The following PCDHA8 variants were observed in gnomAD, a reference collection of about 807,000 sequenced individuals.
The protein encoded by PCDHA8 is protocadherin alpha 8.
In PCDHA8, 53 loss-of-function variants were observed where a neutral mutation model predicts 61.8. The ratio of observed to expected loss-of-function variants is 0.86; its 90% CI spans 0.69 to 1.08. The LOEUF (loss-of-function observed/expected upper bound fraction) is 1.08, where lower values mean the gene tolerates loss of function less well. Among genes scored for constraint, PCDHA8 ranks in the 50% least tolerant of loss-of-function variants. PCDHA8 has a pLI of 0.00. For missense variants in PCDHA8, 1,293 were observed against 1,245.0 expected (o/e 1.04, Z -0.58); for synonymous variants, 618 against 556.6 (o/e 1.11, Z -1.55).
chr5:140,962,889 A>G (rs1554226313), intron 1 of PCDHA8, among the ~76,000 whole-genome samples: 2 of 152,220 alleles, frequency 1.3e-5, no homozygotes, highest in Admixed American at 6.5e-5. Flanking sequence ...GAATTAAAAA[A>G]TGAAAACTAG....
In PCDHA8 at chr5:140,855,864, G is replaced by T. The variant is rs2043653105; in HGVS notation, c.2394+12149G>T. On this transcript the variant is annotated intron_variant, in intron 1 of 3. Transcript: ENST00000531613. ...CCTAAAGCCACCGGATGTCGCTGTC[G>T]TCCACAAAATAGCTTTTTAGAACAA... 4 of 775,774 alleles carry T rather than the reference G, an allele frequency of 5.2e-6. No individual in the cohort carries two copies. The East Asian group carries it at 8.1e-5, about 16-fold the overall frequency. The allele number at this position is 775,774 out of a possible 1,614,324, so 48.1% of individuals were successfully genotyped here. A position where few individuals can be genotyped will look rare whatever the true frequency, so the allele number is the denominator to read the frequency against.
chr5:140,875,497 C>T, intron 1 of PCDHA8: 1 of 1,613,256 alleles, frequency 6.2e-7, no homozygotes, highest in Non-Finnish European at 8.5e-7. Flanking sequence ...ACCAAGAGGC[C>T]CGGGATCCCA....
At chr5:140,989,174 G>T (rs1305141291) in intron 3 of PCDHA8, among the ~76,000 whole-genome samples, 3 of 152,132 alleles carry the variant, frequency 2.0e-5, no homozygotes, top group Non-Finnish European at 4.4e-5. Flanking sequence ...TAAAACAGGA[G>T]AGTTTCTGAA....
intron 1 of PCDHA8, among the ~76,000 whole-genome samples, chr5:140,885,265 T>C (rs2060534945): frequency 6.6e-6 from 1 of 152,186 alleles, no homozygotes; most frequent in African/African-American, 2.4e-5. Flanking sequence ...TAATTACTCA[T>C]ACATATATAT....
intron 3 of PCDHA8, among the ~76,000 whole-genome samples, chr5:140,987,622 TAGATG>T (rs1554249376): frequency 2.6e-5 from 4 of 152,328 alleles, no homozygotes; most frequent in African/African-American, 9.6e-5. Flanking sequence ...TTGGAAGAAT[TAGATG>T]AGATAATGCA....
At chr5:140,871,097 T>A in intron 1 of PCDHA8, 1 of 1,613,266 alleles carries the variant, frequency 6.2e-7, no homozygotes, top group Admixed American at 1.7e-5. Flanking sequence ...GCCACCGTGC[T>A]GGTGTCGTTG....
chr5:140,848,742 A>T (rs2150419290), intron 1 of PCDHA8: 2 of 1,593,114 alleles, frequency 1.3e-6, no homozygotes, highest in South Asian at 2.2e-5. Context: ...GCAGAATGGC[A>T]TTTTGTTTGT....
intron 3 of PCDHA8, among the ~76,000 whole-genome samples, chr5:140,987,258 G>A (rs1292743876): frequency 6.6e-6 from 1 of 151,918 alleles, no homozygotes; most frequent in Non-Finnish European, 1.5e-5. Context: ...ACATTCTCAG[G>A]AATGGGACCC....
intron 1 of PCDHA8, 158 bp downstream of exon 1, chr5:140,843,873 T>C (rs1554140466): frequency 1.3e-6 from 1 of 797,276 alleles, no homozygotes; most frequent in Admixed American, 3.0e-5. Context: ...ATTTTCTCAG[T>C]GGCATAATAC....
At chr5:140,855,255 A>G (rs2043396159) in intron 1 of PCDHA8, among the ~76,000 whole-genome samples, 1 of 149,836 alleles carries the variant, frequency 6.7e-6, no homozygotes, top group Non-Finnish European at 1.5e-5. Context: ...AGCACTTACT[A>G]TATTATAATT....
At chr5:140,937,302 G>T (rs1554211521) in intron 1 of PCDHA8, among the ~76,000 whole-genome samples, 4 of 152,094 alleles carry the variant, frequency 2.6e-5, no homozygotes, top group African/African-American at 9.7e-5. Flanking sequence ...CTCCCAAAGT[G>T]CTGGGATTAC....
At chr5:140,968,044 A>G (rs959631573) in intron 1 of PCDHA8, 2 of 1,614,024 alleles carry the variant, frequency 1.2e-6, no homozygotes, top group Non-Finnish European at 1.7e-6. Context: ...TGAGCGGCCC[A>G]CTGGACCGAG....
intron 1 of PCDHA8, chr5:140,848,602 C>A (rs140949600): frequency 8.2e-6 from 13 of 1,593,476 alleles, no homozygotes; most frequent in Non-Finnish European, 1.1e-5. Flanking sequence ...TACTCCGTCC[C>A]GGAGGAAGCC....
chr5:140,875,738 G>T lies in PCDHA8; in HGVS notation c.2394+32023G>T, dbSNP rs1197047985. 12 of 1,614,086 alleles carry T rather than the reference G, an allele frequency of 7.4e-6. No homozygotes were observed. The highest frequency in any genetic ancestry group is 3.3e-5 in the Admixed American group (2 of 60,008). ...AATGGCATTTTGTTTGTGAATTCTC[G>T]GATCGACCGCGAGAAGCTGTGCGGG... On this transcript the variant is annotated intron_variant, in intron 1 of 3. Coordinates refer to ENST00000531613, the MANE Select transcript of PCDHA8 (RefSeq NM_018911.3).
chr5:140,960,612 G>C (rs1467595478), intron 1 of PCDHA8, among the ~76,000 whole-genome samples: 1 of 152,110 alleles, frequency 6.6e-6, no homozygotes, highest in Non-Finnish European at 1.5e-5. Context: ...ACAATATCTA[G>C]TGTGTTTTTG....
chr5:140,977,266 A>G (rs2096753154), intron 1 of PCDHA8, among the ~76,000 whole-genome samples: 3 of 152,240 alleles, frequency 2.0e-5, no homozygotes, highest in Admixed American at 1.3e-4. Context: ...CAGATGTTAC[A>G]GTCTTTCTCA....
intron 1 of PCDHA8, chr5:140,869,082 T>A: frequency 6.3e-7 from 1 of 1,582,446 alleles, no homozygotes; most frequent in South Asian, 1.2e-5. Context: ...GAAGCTTATT[T>A]TGGAAGCCAA....
chr5:140,853,963 A>G (rs1458848768), intron 1 of PCDHA8: 2 of 685,274 alleles, frequency 2.9e-6, no homozygotes, highest in African/African-American at 2.0e-5. Flanking sequence ...CCTTGAGCCC[A>G]GCAGTTTGAG....
chr5:140,871,371 G>A (rs948553844), intron 1 of PCDHA8: 1 of 1,614,202 alleles, frequency 6.2e-7, no homozygotes, highest in Non-Finnish European at 8.5e-7. Context: ...GGCGGCAGAG[G>A]GTGTGCTCTG....
Sources: allele counts gnomAD v4.1 joint callset (sites outside exome capture counted in the v4.1 genomes callset), GRCh38; gene constraint gnomAD v4.1.1; transcripts MANE v1.5; gene names NCBI Gene and HGNC (gene_info 2026-07-23, HGNC 2026-07-21).